COL22A1: variants seen among roughly 807,000 people sequenced by gnomAD.
The protein encoded by COL22A1 is collagen alpha-1(XXII) chain.
A neutral mutation model predicts 248.9 loss-of-function variants in COL22A1; 221 were observed. That is an observed-to-expected ratio of 0.89 (90% confidence interval 0.80 to 0.99). The LOEUF (loss-of-function observed/expected upper bound fraction) is 0.99, where lower values mean the gene tolerates loss of function less well. Among genes scored for constraint, COL22A1 ranks in the 50% least tolerant of loss-of-function variants. The pLI is 0.00. For synonymous variants in COL22A1, 891 were observed against 793.4 expected, an observed-to-expected ratio of 1.12 and a Z score of -2.07; for missense variants, 2,240 against 2,179.0, an observed-to-expected ratio of 1.03 and a Z score of -0.56.
chr8:138,663,944 C>T (rs1055036218), intron 41 of COL22A1, among the ~76,000 whole-genome samples: 1 of 151,884 alleles, frequency 6.6e-6, no homozygotes, highest in Non-Finnish European at 1.5e-5. Context: ...GGAAGCTCCT[C>T]CATTTGCTCC....
chr8:138,683,697 G>A (rs759586791), intron 39 of COL22A1, among the ~76,000 whole-genome samples: 7 of 152,090 alleles, frequency 4.6e-5, no homozygotes, highest in African/African-American at 7.2e-5. Context: ...GGATTCACAC[G>A]TGACCACTGA....
At chr8:138,837,294 G>A (rs1820511660) in intron 4 of COL22A1, among the ~76,000 whole-genome samples, 4 of 152,222 alleles carry the variant, frequency 2.6e-5, no homozygotes, top group Admixed American at 2.6e-4. Context: ...ATGACTGGGA[G>A]CAGCCGCCAC....
intron 45 of COL22A1, among the ~76,000 whole-genome samples, chr8:138,654,681 C>T (rs990032385): frequency 2.0e-5 from 3 of 152,098 alleles, no homozygotes; most frequent in Non-Finnish European, 2.9e-5. Context: ...TAGACCTTAC[C>T]TCTCTCTCCC....
At chr8:138,613,741 A>G in intron 56 of COL22A1, 126 bp downstream of exon 56, 2 of 924,198 alleles carry the variant, frequency 2.2e-6, no homozygotes, top group Non-Finnish European at 3.6e-6. Context: ...CTATTTACCA[A>G]CTGCTAAAAC....
chr8:138,639,619 CT>C (rs1821490260), intron 47 of COL22A1, among the ~76,000 whole-genome samples: 1 of 152,286 alleles, frequency 6.6e-6, no homozygotes, highest in Middle Eastern at 3.4e-3. Flanking sequence ...AAAACACTTA[CT>C]TTTGAAAACT....
intron 22 of COL22A1, among the ~76,000 whole-genome samples, chr8:138,750,925 C>A (rs935089876): frequency 6.6e-6 from 1 of 152,126 alleles, no homozygotes; most frequent in Non-Finnish European, 1.5e-5. Context: ...TCAGAAAGTA[C>A]GGCATTGTTT....
At chr8:138,692,923 G>A (rs988851165) in intron 35 of COL22A1, among the ~76,000 whole-genome samples, 17 of 152,132 alleles carry the variant, frequency 1.1e-4, no homozygotes, top group Admixed American at 1.3e-4. Context: ...GGTCATATCA[G>A]CACCCTCTAC....
At chr8:138,773,459 T>A (rs1834563667) in intron 16 of COL22A1, among the ~76,000 whole-genome samples, 1 of 152,236 alleles carries the variant, frequency 6.6e-6, no homozygotes, top group Non-Finnish European at 1.5e-5. Context: ...GTCCCACACC[T>A]TGGATTCATC....
chr8:138,900,769 G>T (rs761539408), intron 1 of COL22A1, among the ~76,000 whole-genome samples: 28 of 152,324 alleles, frequency 1.8e-4, no homozygotes, highest in South Asian at 6.2e-4. Context: ...TGTGTGCCAG[G>T]CGTTGTCTTA....
chr8:138,778,809 C>G (rs1264764810), intron 14 of COL22A1, among the ~76,000 whole-genome samples: 2 of 152,218 alleles, frequency 1.3e-5, no homozygotes, highest in East Asian at 1.9e-4. Context: ...TGTGGCTCAT[C>G]ATTCACACTT....
intron 44 of COL22A1, among the ~76,000 whole-genome samples, chr8:138,659,869 G>T (rs924453732): frequency 3.9e-5 from 6 of 152,212 alleles, no homozygotes; most frequent in African/African-American, 1.4e-4. Context: ...AAGAAAGAAC[G>T]TTTCTTCCAT....
intron 34 of COL22A1, 152 bp from the exon 35 acceptor site, chr8:138,693,851 T>C (rs540876252): frequency 1.3e-6 from 1 of 767,818 alleles, no homozygotes; most frequent in East Asian, 2.7e-5. Context: ...GTGAAGAAAA[T>C]CACTACTTTC....
intron 22 of COL22A1, among the ~76,000 whole-genome samples, chr8:138,750,807 C>G (rs1281567479): frequency 6.6e-6 from 1 of 152,166 alleles, no homozygotes; most frequent in African/African-American, 2.4e-5. Context: ...TGCCAGGTAC[C>G]TTGGTGGGAA....
chr8:138,645,436 T>C (rs1822117404), intron 47 of COL22A1, among the ~76,000 whole-genome samples: 1 of 152,214 alleles, frequency 6.6e-6, no homozygotes, highest in Non-Finnish European at 1.5e-5. Context: ...AGTATTCTTT[T>C]TCTTTTGCAA....
chr8:138,689,062 C>A, intron 36 of COL22A1, 92 bp from the exon 37 acceptor site: 1 of 1,023,228 alleles, frequency 9.8e-7, no homozygotes, highest in Non-Finnish European at 1.5e-6. Context: ...CATCAGGTCC[C>A]CCTGAAGTCA....
rs1832590062 is a variant in COL22A1, at chr8:138,751,455, T to C, written c.2085+3A>G. On this transcript the variant is annotated splice_donor_region_variant and intron_variant, in intron 22 of 64. Coordinates refer to ENST00000303045, the MANE Select transcript of COL22A1 (RefSeq NM_152888.3). The stretch of plus-strand genomic sequence containing the variant: ...AATCACAAAGAAAAGAGAGTTTACT[T>C]ACTCGGAGACCTTGCAAACCAGGAG... 7.5e-6 allele frequency: 12 copies of C among 1,607,696 alleles called. No individual in the cohort carries two copies. The highest frequency in any genetic ancestry group is 1.7e-4 in the Middle Eastern group (1 of 6,036).
At chr8:138,742,953 T>C (rs1233381418) in intron 22 of COL22A1, among the ~76,000 whole-genome samples, 11 of 151,752 alleles carry the variant, frequency 7.2e-5, no homozygotes, top group Admixed American at 6.6e-4. Context: ...ATGGTGATGG[T>C]AGAGTTGATG....
At chr8:138,744,973 T>G (rs916518716) in intron 22 of COL22A1, among the ~76,000 whole-genome samples, 12 of 152,128 alleles carry the variant, frequency 7.9e-5, no homozygotes, top group African/African-American at 2.9e-4. Context: ...CAGAAGATAC[T>G]GAGAAAATGA....
intron 63 of COL22A1, among the ~76,000 whole-genome samples, chr8:138,593,712 A>C (rs1587620497): frequency 1.3e-5 from 2 of 152,316 alleles, no homozygotes; most frequent in African/African-American, 4.8e-5. Flanking sequence ...TGCTAAACTC[A>C]GTAGGGGAAA....
Sources: allele counts gnomAD v4.1 joint callset (sites outside exome capture counted in the v4.1 genomes callset), GRCh38; gene constraint gnomAD v4.1.1; transcripts MANE v1.5; gene names NCBI Gene and HGNC (gene_info 2026-07-23, HGNC 2026-07-21).